The following RBM24 variants were observed in gnomAD, a reference collection of about 807,000 sequenced individuals.
The protein encoded by RBM24 is RNA-binding protein 24.
RBM24 carries 5 observed loss-of-function variants against 23.6 expected under a neutral mutation model. The ratio of observed to expected loss-of-function variants is 0.21; its 90% CI spans 0.11 to 0.45. The LOEUF (loss-of-function observed/expected upper bound fraction) is 0.45, where lower values mean the gene tolerates loss of function less well. RBM24 is among the 20% of genes least tolerant of loss of function. The probability of loss-of-function intolerance (pLI) is 0.99; values close to 1 mark genes in which losing one functional copy is unlikely to be tolerated. For synonymous variants in RBM24, 151 were observed against 129.5 expected (o/e 1.17, Z -1.13); for missense variants, 252 against 314.6 (o/e 0.80, Z 1.51).
At chr6:17,286,610 C>T (rs1397793518) in intron 3 of RBM24, among the ~76,000 whole-genome samples, 1 of 152,140 alleles carries the variant, frequency 6.6e-6, no homozygotes, top group Non-Finnish European at 1.5e-5. Flanking sequence ...GGTATTGTTT[C>T]AAGTACAAAA....
intron 2 of RBM24, among the ~76,000 whole-genome samples, chr6:17,283,427 T>G (rs998303551): frequency 1.3e-5 from 2 of 152,052 alleles, no homozygotes; most frequent in Non-Finnish European, 2.9e-5. Flanking sequence ...AAGGTTTTGT[T>G]TTTTTTTGAG....
rs1760430077 is a variant in RBM24 at position 17,293,438 on chromosome 6, T to G, written c.*1319T>G. On this transcript the variant is annotated 3_prime_UTR_variant, in exon 4 of 4. Transcript: ENST00000379052. ...AGAGTACTCTTACATTAACACATTT[T>G]AGTTTAGTTTTTAGATTTTTTTTTA... is the stretch of plus-strand genomic sequence containing the variant. The G allele has an allele frequency of 6.6e-6, 1 of 152,646 alleles. No homozygotes were observed. The highest frequency in any genetic ancestry group is 6.5e-5 in the Admixed American group (1 of 15,284). The allele number at this position is 152,646 out of a possible 1,614,324, so 9.5% of individuals were successfully genotyped here.
At chr6:17,291,735 T>C (rs1760364728) in intron 3 of RBM24, 21 bp from the exon 4 acceptor site, 1 of 1,587,188 alleles carries the variant, frequency 6.3e-7, no homozygotes, top group Non-Finnish European at 8.6e-7. Context: ...CCGCCTGACT[T>C]TGTTTTCCAT....
intron 3 of RBM24, chr6:17,289,049 A>G: frequency 1.0e-6 from 1 of 985,440 alleles, no homozygotes; most frequent in Non-Finnish European, 1.2e-6. Context: ...GATGGGAAGA[A>G]AAGGAAAATG....
intron 3 of RBM24, among the ~76,000 whole-genome samples, chr6:17,290,436 G>A (rs1198279044): frequency 6.6e-6 from 1 of 152,150 alleles, no homozygotes; most frequent in Non-Finnish European, 1.5e-5. Flanking sequence ...AGTGAGAATG[G>A]AGATGCATGG....
Position 17,292,233 on chromosome 6 carries a change from C to A in RBM24, c.*114C>A. On this transcript the variant is annotated 3_prime_UTR_variant, in exon 4 of 4. Transcript: ENST00000379052. The stretch of plus-strand genomic sequence containing the variant: ...TAACAGCTTTAAAAAAAAAAACAGC[C>A]ATGCTATTGTGAAGCAGAGTTATTA... 2.0e-6 allele frequency: 2 copies of A among 981,218 alleles called. No individual in the cohort carries two copies. Among genetic ancestry groups the A allele is most frequent in the Non-Finnish European group, 2.9e-6 (2 of 695,084 alleles). The allele number at this position is 981,218 out of a possible 1,614,324, so 60.8% of individuals were successfully genotyped here. A position where few individuals can be genotyped will look rare whatever the true frequency, so the allele number is the denominator to read the frequency against.
rs1760413229 is a variant in RBM24 at position 17,292,851 on chromosome 6, T to A, written c.*732T>A. The A allele has an allele frequency of 6.6e-6, 1 of 152,670 alleles. No individual in the cohort carries two copies. Among genetic ancestry groups the A allele is most frequent in the Non-Finnish European group, 1.5e-5 (1 of 68,048 alleles). The allele number at this position is 152,670 out of a possible 1,614,324, so 9.5% of individuals were successfully genotyped here. On this transcript the variant is annotated 3_prime_UTR_variant, in exon 4 of 4. Coordinates refer to ENST00000379052, the MANE Select transcript of RBM24 (RefSeq NM_001143942.2). ...AAAGAACACATCACTTGTGCTTGTT[T>A]GATGAGCTTGTCACATTCTAATCCC...
chr6:17,284,600 G>A, intron 2 of RBM24, 57 bp from the exon 3 acceptor site: 6 of 1,311,122 alleles, frequency 4.6e-6, no homozygotes, highest in Non-Finnish European at 6.5e-6. Flanking sequence ...TTTACATGTA[G>A]GAATAATAAA....
At chr6:17,284,067 A>G (rs1760118127) in intron 2 of RBM24, among the ~76,000 whole-genome samples, 1 of 152,182 alleles carries the variant, frequency 6.6e-6, no homozygotes, top group Non-Finnish European at 1.5e-5. Context: ...AAATTTTGGG[A>G]AGAGGTTGAC....
chr6:17,289,995 G>A, intron 3 of RBM24: 1 of 1,289,386 alleles, frequency 7.8e-7, no homozygotes, highest in Non-Finnish European at 1.0e-6. Context: ...AAGCAGTTAA[G>A]AACATCTCTG....
chr6:17,282,376 G>A (rs372672565), intron 1 of RBM24: 24 of 715,848 alleles, frequency 3.4e-5, no homozygotes, highest in African/African-American at 2.7e-4. Context: ...GAGTGTTTTC[G>A]AGGTTGGGAG....
rs1196663680 is a variant in RBM24, at chr6:17,281,777, G to A, written c.168+28G>A. 5.8e-6 allele frequency: 9 copies of A among 1,545,450 alleles called. No homozygotes were observed. In the East Asian group the frequency reaches 2.0e-4, roughly 34 times the overall value. On this transcript the variant is annotated intron_variant, in intron 1 of 3. Coordinates refer to ENST00000379052, the MANE Select transcript of RBM24 (RefSeq NM_001143942.2). The surrounding 1 kb of genome is among the most constrained non-coding windows in gnomAD (Gnocchi z 7.1). ...AAGTTGCACGGACTGGGGGTGACGG[G>A]GAGGGACGGAGTGGCGGCTGACCCC...
intron 3 of RBM24, chr6:17,288,434 G>C: frequency 4.1e-6 from 4 of 984,384 alleles, no homozygotes; most frequent in Non-Finnish European, 4.8e-6. Flanking sequence ...ACTATATTTG[G>C]CATTGTAGAC....
intron 3 of RBM24, among the ~76,000 whole-genome samples, chr6:17,287,361 G>T (rs1353237127): frequency 6.6e-6 from 1 of 152,144 alleles, no homozygotes; most frequent in Non-Finnish European, 1.5e-5. Flanking sequence ...CAAAACCTTG[G>T]CCTAAAAGGA....
Position 17,281,443 on chromosome 6 carries a change from G to T in RBM24, c.-139G>T. The T allele has an allele frequency of 1.9e-6, 1 of 530,466 alleles. No individual in the cohort carries two copies. The highest frequency in any genetic ancestry group is 9.1e-4 in the Middle Eastern group (1 of 1,098). 32.9% of individuals were successfully genotyped at this position (530,466 alleles called of 1,614,324 possible). The stretch of plus-strand genomic sequence containing the variant: ...CCCGGCCGCTCGCCCCCGCCGCGCC[G>T]CCGCCCTCGCCCCCGGGCTCGCCCT... On this transcript the variant is annotated 5_prime_UTR_variant, in exon 1 of 4. Transcript: ENST00000379052. The surrounding 1 kb of genome is among the most constrained non-coding windows in gnomAD (Gnocchi z 7.1).
chr6:17,290,940 A>G, intron 3 of RBM24: 1 of 1,147,746 alleles, frequency 8.7e-7, no homozygotes, highest in Non-Finnish European at 1.2e-6. Flanking sequence ...GGGAAAAAAA[A>G]GAGAAAGAAA....
intron 3 of RBM24, chr6:17,288,220 G>A (rs2113406136): frequency 1.0e-6 from 1 of 985,104 alleles, no homozygotes; most frequent in Non-Finnish European, 1.2e-6. Context: ...TTGTCAAGCT[G>A]TAGCCCCAAA....
chr6:17,287,328 AG>A (rs1291994546), intron 3 of RBM24, among the ~76,000 whole-genome samples: 1 of 152,218 alleles, frequency 6.6e-6, no homozygotes, highest in Non-Finnish European at 1.5e-5. Context: ...AATGGCCCCC[AG>A]GTGACTTTGG....
chr6:17,284,908 T>C, intron 3 of RBM24, 197 bp downstream of exon 3: 1 of 421,182 alleles, frequency 2.4e-6, no homozygotes, highest in Non-Finnish European at 4.2e-6. Context: ...GTATGCAGCC[T>C]CCAAACGAGA....
Sources: allele counts gnomAD v4.1 joint callset (sites outside exome capture counted in the v4.1 genomes callset), GRCh38; gene constraint gnomAD v4.1.1; non-coding constraint Gnocchi (gnomAD v3.1); transcripts MANE v1.5; gene names NCBI Gene and HGNC (gene_info 2026-07-23, HGNC 2026-07-21).